The following HUNK variants were observed in gnomAD, a reference collection of about 807,000 sequenced individuals.
HUNK encodes hormonally up-regulated neu tumor-associated kinase.
HUNK carries 21 observed loss-of-function variants against 61.0 expected under a neutral mutation model. That is an observed-to-expected ratio of 0.34 (90% CI 0.24 to 0.50). The LOEUF (loss-of-function observed/expected upper bound fraction) is 0.50. HUNK is among the 20% of genes least tolerant of loss of function. HUNK has a pLI of 0.98. For missense variants in HUNK, 772 were observed against 945.7 expected (o/e 0.82, Z 2.41); for synonymous variants, 371 against 386.1 (o/e 0.96, Z 0.46).
At chr21:31,940,793 CTGT>C (rs1017003729) in intron 3 of HUNK, among the ~76,000 whole-genome samples, 1 of 152,142 alleles carries the variant, frequency 6.6e-6, no homozygotes, top group African/African-American at 2.4e-5. Context: ...TCAGGTGGTT[CTGT>C]TGTTGTTATT....
intron 7 of HUNK, among the ~76,000 whole-genome samples, chr21:31,979,865 C>G (rs747185582): frequency 6.6e-6 from 1 of 152,054 alleles, no homozygotes; most frequent in Non-Finnish European, 1.5e-5. Context: ...ATATTTTATC[C>G]CATTCCATAG....
chr21:31,896,207 T>C (rs757437219), intron 1 of HUNK, among the ~76,000 whole-genome samples: 1 of 152,154 alleles, frequency 6.6e-6, no homozygotes, highest in Non-Finnish European at 1.5e-5. Context: ...AGCTGCCCAG[T>C]CTATAATCCT....
chr21:31,886,192 C>T (rs939282500), intron 1 of HUNK, among the ~76,000 whole-genome samples: 2 of 152,138 alleles, frequency 1.3e-5, no homozygotes, highest in Admixed American at 6.6e-5. Flanking sequence ...GAAGCTGAGG[C>T]AGGCAGATCA....
At chr21:31,898,342 T>G (rs2052440074) in intron 1 of HUNK, among the ~76,000 whole-genome samples, 1 of 152,192 alleles carries the variant, frequency 6.6e-6, no homozygotes, top group Non-Finnish European at 1.5e-5. Context: ...CTCGGCTCAC[T>G]GCAACCTCCG....
intron 1 of HUNK, among the ~76,000 whole-genome samples, chr21:31,903,876 A>G (rs182254353): frequency 6.6e-6 from 1 of 152,266 alleles, no homozygotes; most frequent in Non-Finnish European, 1.5e-5. Flanking sequence ...AATGGGATCA[A>G]CAGTATTGGT....
chr21:31,975,037 C>T (rs2053038947), intron 7 of HUNK, among the ~76,000 whole-genome samples: 2 of 150,888 alleles, frequency 1.3e-5, no homozygotes, highest in African/African-American at 4.9e-5. Context: ...TCTTTGGGTT[C>T]CCCATGTTGG....
At position 31,924,042 on chromosome 21, in the gene HUNK, G is replaced by A. The variant is rs951504396; in HGVS notation, c.262-426G>A. 6.6e-6 allele frequency among the ~76,000 whole-genome samples: 1 copy of A among 152,112 alleles called. No individual in the cohort carries two copies. Among genetic ancestry groups the A allele is most frequent in the Non-Finnish European group, 1.5e-5 (1 of 68,028 alleles). ...ATTTAGCTGTTTCTGAAGTGGCTGGGGGTCCTCAGACCTGGAGGGAGATGA... is the reference window on the plus strand; with the variant it reads ...ATTTAGCTGTTTCTGAAGTGGCTGGAGGTCCTCAGACCTGGAGGGAGATGA... On this transcript the variant is annotated intron_variant, in intron 1 of 10. Coordinates refer to ENST00000270112, the MANE Select transcript of HUNK (RefSeq NM_014586.2). This position sits in a 1 kb window ranked among gnomAD's most constrained non-coding sequence, Gnocchi z 5.1.
At chr21:31,965,232 G>A (rs1054562552) in intron 5 of HUNK, among the ~76,000 whole-genome samples, 6 of 152,096 alleles carry the variant, frequency 3.9e-5, no homozygotes, top group African/African-American at 1.4e-4. Context: ...TCACTTAGAA[G>A]TGGGAGCTAA....
rs1241290757 is a variant in HUNK, at chr21:32,003,240, C to T, written c.*4056C>T. ...TTAAGTCCTTTTCAAAACTGTGCAGCTTCCTGAACCTTATGCTGTTTGTCC... is the reference window on the plus strand; with the variant it reads ...TTAAGTCCTTTTCAAAACTGTGCAGTTTCCTGAACCTTATGCTGTTTGTCC... On this transcript the variant is annotated 3_prime_UTR_variant, in exon 11 of 11. Coordinates refer to ENST00000270112, the MANE Select transcript of HUNK (RefSeq NM_014586.2). 6.6e-6 allele frequency: 1 copy of T among 152,212 alleles called. No individual in the cohort carries two copies. Among genetic ancestry groups the T allele is most frequent in the Non-Finnish European group, 1.5e-5 (1 of 68,054 alleles). 9.4% of individuals were successfully genotyped at this position (152,212 alleles called of 1,614,324 possible). A position where few individuals can be genotyped will look rare whatever the true frequency, so the allele number is the denominator to read the frequency against.
intron 4 of HUNK, 135 bp downstream of exon 4, chr21:31,946,306 G>T: frequency 1.1e-6 from 1 of 877,136 alleles, no homozygotes; most frequent in South Asian, 2.3e-5. Flanking sequence ...GATTCTTTGG[G>T]GCCTGGCTTT....
chr21:31,996,495 GA>G (rs765227877), intron 10 of HUNK, among the ~76,000 whole-genome samples: 6 of 152,214 alleles, frequency 3.9e-5, no homozygotes, highest in Non-Finnish European at 7.3e-5. Flanking sequence ...ACCTGAGTCA[GA>G]ATCCAGCCCA....
intron 5 of HUNK, among the ~76,000 whole-genome samples, chr21:31,966,324 T>G (rs1286087147): frequency 1.3e-5 from 2 of 152,218 alleles, no homozygotes; most frequent in Admixed American, 6.5e-5. Flanking sequence ...CTTTATCCAC[T>G]TGTTAATTGA....
chr21:31,900,634 C>T (rs1316056452), intron 1 of HUNK, among the ~76,000 whole-genome samples: 1 of 152,186 alleles, frequency 6.6e-6, no homozygotes, highest in Non-Finnish European at 1.5e-5. Flanking sequence ...TTAACAACAG[C>T]ACTCTACTAC....
At chr21:31,882,971 C>T (rs1329791529) in intron 1 of HUNK, among the ~76,000 whole-genome samples, 2 of 151,968 alleles carry the variant, frequency 1.3e-5, no homozygotes, top group African/African-American at 2.4e-5. Flanking sequence ...GTGGAAGTAT[C>T]ATGTTGACTT....
At chr21:31,882,202 A>G (rs558203385) in intron 1 of HUNK, among the ~76,000 whole-genome samples, 1 of 152,318 alleles carries the variant, frequency 6.6e-6, no homozygotes, top group South Asian at 2.1e-4. Context: ...GCCATCTGTT[A>G]ACATCCTCTT....
chr21:31,975,221 G>C (rs1214626060), intron 7 of HUNK, among the ~76,000 whole-genome samples: 1 of 152,182 alleles, frequency 6.6e-6, no homozygotes, highest in African/African-American at 2.4e-5. Context: ...CTCAGTCTGA[G>C]TGTCAGAAAG....
intron 2 of HUNK, among the ~76,000 whole-genome samples, chr21:31,932,148 CCACA>C (rs1441784388): frequency 2.0e-5 from 3 of 152,222 alleles, no homozygotes; most frequent in African/African-American, 7.2e-5. Flanking sequence ...TGCAATGTGC[CCACA>C]CAAACTCATG....
At chr21:31,898,867 C>G (rs1015632641) in intron 1 of HUNK, among the ~76,000 whole-genome samples, 58 of 152,178 alleles carry the variant, frequency 3.8e-4, no homozygotes, top group African/African-American at 1.3e-3. Flanking sequence ...CTTTTAATAT[C>G]CACAAAGCAT....
At chr21:31,951,895 T>G (rs1215254532) in intron 4 of HUNK, among the ~76,000 whole-genome samples, 2 of 152,212 alleles carry the variant, frequency 1.3e-5, no homozygotes, top group Non-Finnish European at 2.9e-5. Context: ...TGAGACCCTC[T>G]CAAAATGAAG....
Sources: allele counts gnomAD v4.1 joint callset (sites outside exome capture counted in the v4.1 genomes callset), GRCh38; gene constraint gnomAD v4.1.1; non-coding constraint Gnocchi (gnomAD v3.1); transcripts MANE v1.5; gene names NCBI Gene and HGNC (gene_info 2026-07-23, HGNC 2026-07-21).